The following DLGAP2 variants were observed in gnomAD, a reference collection of about 807,000 sequenced individuals.
The protein encoded by DLGAP2 is DLG associated protein 2.
In DLGAP2, 26 loss-of-function variants were observed where a neutral mutation model predicts 100.3. That is an observed-to-expected ratio of 0.26 (90% CI 0.19 to 0.36). The LOEUF is 0.36. DLGAP2 is among the 10% of genes least tolerant of loss of function. DLGAP2 has a pLI of 1.00. For missense variants in DLGAP2, 1,858 were observed against 1,453.2 expected (o/e 1.28, Z -4.53); for synonymous variants, 886 against 630.1 (o/e 1.41, Z -6.08).
intron 2 of DLGAP2, among the ~76,000 whole-genome samples, chr8:1,128,067 T>G (rs1796208031): frequency 6.6e-6 from 1 of 152,228 alleles, no homozygotes; most frequent in Admixed American, 6.5e-5. Context: ...TTGTGCACCA[T>G]ATCCCGGTGT....
At chr8:869,576 C>T (rs1352503009) in intron 1 of DLGAP2, among the ~76,000 whole-genome samples, 1 of 152,182 alleles carries the variant, frequency 6.6e-6, no homozygotes, top group Non-Finnish European at 1.5e-5. Flanking sequence ...TTTTTAATAA[C>T]TCCAAGACCT....
intron 3 of DLGAP2, among the ~76,000 whole-genome samples, chr8:1,266,746 A>C (rs1257186326): frequency 6.6e-6 from 1 of 151,976 alleles, no homozygotes; most frequent in Non-Finnish European, 1.5e-5. Flanking sequence ...GTGCAGACCC[A>C]GTGTGTGTAT....
intron 3 of DLGAP2, among the ~76,000 whole-genome samples, chr8:1,269,449 G>T (rs1455601291): frequency 6.6e-6 from 1 of 152,160 alleles, no homozygotes; most frequent in Non-Finnish European, 1.5e-5. Flanking sequence ...ACTTGCTCCA[G>T]GGCTTGTGTT....
At chr8:836,994 C>A (rs1403905430) in intron 1 of DLGAP2, among the ~76,000 whole-genome samples, 1 of 152,224 alleles carries the variant, frequency 6.6e-6, no homozygotes, top group Non-Finnish European at 1.5e-5. Context: ...TCTTCTCTTA[C>A]TTGGCTAGAT....
At chr8:779,366 C>A (rs768571568) in intron 1 of DLGAP2, among the ~76,000 whole-genome samples, 1 of 152,192 alleles carries the variant, frequency 6.6e-6, no homozygotes, top group Non-Finnish European at 1.5e-5. Context: ...GGCTCCTCCC[C>A]TGTGAATCAC....
chr8:954,201 T>G (rs1799545753), intron 2 of DLGAP2, among the ~76,000 whole-genome samples: 1 of 152,188 alleles, frequency 6.6e-6, no homozygotes, highest in Non-Finnish European at 1.5e-5. Flanking sequence ...ACCAGTTTTT[T>G]GTGTAGTGAG....
chr8:1,648,685 C>T (rs1018501433), intron 8 of DLGAP2, among the ~76,000 whole-genome samples: 5 of 152,234 alleles, frequency 3.3e-5, no homozygotes, highest in African/African-American at 1.2e-4. Context: ...CTCAGAGACC[C>T]GCAGGTCCCC....
intron 2 of DLGAP2, among the ~76,000 whole-genome samples, chr8:1,112,570 T>A (rs1699179120): frequency 6.6e-6 from 1 of 152,172 alleles, no homozygotes; most frequent in Non-Finnish European, 1.5e-5. Flanking sequence ...TAGGGTTGTT[T>A]TTCTCTTGTA....
At chr8:738,322 C>G (rs1338406723) in intron 1 of DLGAP2, among the ~76,000 whole-genome samples, 1 of 148,186 alleles carries the variant, frequency 6.7e-6, no homozygotes, top group African/African-American at 2.5e-5. Context: ...CCGGGCTGGG[C>G]TGCGCGCACG....
At chr8:921,962 C>G (rs902692508) in intron 2 of DLGAP2, among the ~76,000 whole-genome samples, 2 of 152,232 alleles carry the variant, frequency 1.3e-5, no homozygotes, top group Non-Finnish European at 2.9e-5. Flanking sequence ...TGGGTGGGAG[C>G]CGGCTGCAGG....
At chr8:746,270 T>C (rs1425546016) in intron 1 of DLGAP2, among the ~76,000 whole-genome samples, 1 of 152,246 alleles carries the variant, frequency 6.6e-6, no homozygotes, top group Non-Finnish European at 1.5e-5. Context: ...CTGGCATCTG[T>C]TGAACGTTTC....
intron 1 of DLGAP2, among the ~76,000 whole-genome samples, chr8:856,185 C>CTTCTTCTTCT (rs777874707): frequency 4.6e-5 from 6 of 130,562 alleles, no homozygotes; most frequent in African/African-American, 8.5e-5. Flanking sequence ...TCTTCTTCTT[C>CTTCTTCTTCT]TTTTTTTTTT....
At chr8:757,597 G>C (rs527732402) in intron 1 of DLGAP2, among the ~76,000 whole-genome samples, 3 of 152,354 alleles carry the variant, frequency 2.0e-5, no homozygotes, top group African/African-American at 7.2e-5. Context: ...GCTCACAGCA[G>C]TTGACGGATG....
intron 3 of DLGAP2, among the ~76,000 whole-genome samples, chr8:1,344,135 C>CGTGTACTCGGGGCCCTGTCGTGGGTCT (rs1801494289): frequency 6.7e-6 from 1 of 149,646 alleles, no homozygotes. Flanking sequence ...GTCGTGGGTC[C>CGTGTACTCGGGGCCCTGTCGTGGGTCT]GTGTACTCGG....
intron 4 of DLGAP2, among the ~76,000 whole-genome samples, chr8:1,533,756 C>A (rs1263252499): frequency 1.3e-5 from 2 of 152,068 alleles, no homozygotes; most frequent in African/African-American, 2.4e-5. Flanking sequence ...AAAATACTGT[C>A]AATCAGCCCA....
Position 1,518,153 on chromosome 8 carries a change from T to G in DLGAP2, c.172+16722T>G, listed in dbSNP as rs1394935733. On this transcript the variant is annotated intron_variant, in intron 4 of 14. Coordinates refer to ENST00000637795, the MANE Select transcript of DLGAP2 (RefSeq NM_001346810.2). ...TCTAGGTTATTGAGTGTTACGCTTCTGTGTTATGTGACTTGTCCGTACCAT... is the reference window on the plus strand; with the variant it reads ...TCTAGGTTATTGAGTGTTACGCTTCGGTGTTATGTGACTTGTCCGTACCAT... 2.0e-5 allele frequency among the ~76,000 whole-genome samples: 3 copies of G among 152,228 alleles called. No individual in the cohort carries two copies. In the East Asian group the frequency reaches 5.8e-4, roughly 29 times the overall value.
chr8:1,201,767 C>A (rs73670669), intron 2 of DLGAP2, among the ~76,000 whole-genome samples: 203 of 152,322 alleles, frequency 1.3e-3, no homozygotes, highest in African/African-American at 3.8e-3. Context: ...CCTCCCTCAT[C>A]ACCAGGCAGC....
At chr8:1,332,821 G>A (rs1035559600) in intron 3 of DLGAP2, among the ~76,000 whole-genome samples, 2 of 152,148 alleles carry the variant, frequency 1.3e-5, no homozygotes, top group African/African-American at 2.4e-5. Flanking sequence ...TCAGATCAGC[G>A]TAGCCGGGAT....
intron 1 of DLGAP2, among the ~76,000 whole-genome samples, chr8:745,245 T>C (rs1000024771): frequency 6.6e-6 from 1 of 152,254 alleles, no homozygotes; most frequent in African/African-American, 2.4e-5. Context: ...TGAGCAAATT[T>C]CCGAACATCT....
Sources: allele counts gnomAD v4.1 joint callset (sites outside exome capture counted in the v4.1 genomes callset), GRCh38; gene constraint gnomAD v4.1.1; transcripts MANE v1.5; gene names NCBI Gene and HGNC (gene_info 2026-07-23, HGNC 2026-07-21).